POM121: variants seen among roughly 807,000 people sequenced by gnomAD.
The protein encoded by POM121 is POM121 transmembrane nucleoporin.
Under a neutral mutation model 81.3 loss-of-function variants are expected in POM121, and 32 were observed. The ratio of observed to expected loss-of-function variants is 0.39; its 90% confidence interval spans 0.30 to 0.53. POM121 has a LOEUF of 0.53. POM121 is among the 20% of genes least tolerant of loss of function. The pLI is 0.66. For synonymous variants in POM121, 514 were observed against 694.2 expected (o/e 0.74, Z 4.08); for missense variants, 1,138 against 1,614.6 (o/e 0.70, Z 5.06).
chr7:72,949,383 C>T (rs370613875), downstream of POM121: 36 of 974,096 alleles, frequency 3.7e-5, no homozygotes, highest in African/African-American at 9.6e-5. Context: ...AGGGGGAGAC[C>T]GCCAGGAAGT....
At position 72,935,844 on chromosome 7, in the gene POM121, G is replaced by C. The variant is rs1459546644; in HGVS notation, c.1276-2746G>C. Among the ~76,000 whole-genome samples, 32 of 152,330 alleles carry C rather than the reference G, an allele frequency of 2.1e-4. 1 individual carries two copies. The highest frequency in any genetic ancestry group is 7.5e-4 in the African/African-American group (31 of 41,576). On this transcript the variant is annotated intron_variant, in intron 5 of 12. Coordinates refer to ENST00000434423, the MANE Select transcript of POM121 (RefSeq NM_001387691.1). ...CTATTCTAAATAGTGCCTTCAAAATGTGATTGGCTGTGCTGGTGTGTAGAA... is the reference window on the plus strand; with the variant it reads ...CTATTCTAAATAGTGCCTTCAAAATCTGATTGGCTGTGCTGGTGTGTAGAA...
chr7:72,944,891 G>T (rs1440443805), intron 11 of POM121, among the ~76,000 whole-genome samples: 1 of 152,308 alleles, frequency 6.6e-6, no homozygotes, highest in East Asian at 1.9e-4. Flanking sequence ...TGGGAAGGAA[G>T]CCAGTGAGCC....
intron 4 of POM121, among the ~76,000 whole-genome samples, chr7:72,918,661 C>T (rs552599638): frequency 2.0e-5 from 3 of 152,056 alleles, no homozygotes; most frequent in Admixed American, 6.6e-5. Flanking sequence ...TCTCTTGCCT[C>T]GGCACCTGGA....
chr7:72,943,295 G>C lies in POM121; in HGVS notation c.3302G>C (p.Gly1101Ala). 1 of 1,608,870 alleles carries C rather than the reference G, an allele frequency of 6.2e-7. No individual in the cohort carries two copies. Among genetic ancestry groups the C allele is most frequent in the South Asian group, 1.1e-5 (1 of 90,462 alleles). The change falls in exon 11 of 13, where the codon GGT becomes GCT. Residue 1101 changes from glycine to alanine, a missense_variant. By Grantham distance (60) the Gly-to-Ala change is moderately conservative. Transcript: ENST00000434423. The stretch of plus-strand genomic sequence containing the variant: ...ACACCATCACCCTTCACGTTTGGGG[G>C]TTCGGCAGCCCCCGCTGGCAGTGGG... ...STTPSPFTFG[G>A]SAAPAGSGSF... is the part of the protein sequence containing the mutation.
At chr7:72,890,331 T>C (rs1791180338) in intron 1 of POM121, among the ~76,000 whole-genome samples, 1 of 152,198 alleles carries the variant, frequency 6.6e-6, no homozygotes, top group Non-Finnish European at 1.5e-5. Context: ...TACATGTTTA[T>C]CTCCTTATTA....
chr7:72,935,931 C>T (rs1554499381), intron 5 of POM121, among the ~76,000 whole-genome samples: 1 of 152,076 alleles, frequency 6.6e-6, no homozygotes, highest in Admixed American at 6.5e-5. Flanking sequence ...GATTTTAGTA[C>T]ATACACTCAG....
chr7:72,908,819 G>C (rs1197134285), intron 3 of POM121, among the ~76,000 whole-genome samples: 1 of 152,112 alleles, frequency 6.6e-6, no homozygotes, highest in Non-Finnish European at 1.5e-5. Context: ...CAGACCTAAT[G>C]GTTATCTCCC....
chr7:72,883,896 T>G (rs1469770843), intron 1 of POM121, among the ~76,000 whole-genome samples: 16 of 152,224 alleles, frequency 1.1e-4, no homozygotes, highest in Non-Finnish European at 8.8e-5. Context: ...CATTTCTTCT[T>G]TATTTACTAG....
At chr7:72,879,550 T>A (rs1554488916) in exon 1 of POM121, 1 of 262,744 alleles carries the variant, frequency 3.8e-6, no homozygotes, top group African/African-American at 2.4e-5. Flanking sequence ...CCCCCGAGCG[T>A]GAACCCCGGA....
chr7:72,932,665 C>T (rs546334692), intron 5 of POM121, among the ~76,000 whole-genome samples: 1 of 152,292 alleles, frequency 6.6e-6, no homozygotes, highest in African/African-American at 2.4e-5. Context: ...TCAGCATTCC[C>T]CTCAGCGTTG....
Position 72,948,123 on chromosome 7 carries a change from T to C in POM121, c.*1889T>C, listed in dbSNP as rs1327540474. 5.7e-6 allele frequency: 8 copies of C among 1,398,274 alleles called. No homozygotes were observed. Among genetic ancestry groups the C allele is most frequent in the African/African-American group, 1.5e-5 (1 of 68,344 alleles). 86.6% of individuals were successfully genotyped at this position (1,398,274 alleles called of 1,614,324 possible). On this transcript the variant is annotated 3_prime_UTR_variant, in exon 13 of 13. Coordinates refer to ENST00000434423, the MANE Select transcript of POM121 (RefSeq NM_001387691.1). The stretch of plus-strand genomic sequence containing the variant: ...GGCAGGACAGCCGGTCCGGGAACCC[T>C]GAGTGAGAATGAGTGTGGATGTGTA...
At position 72,943,080 on chromosome 7, in the gene POM121, C is replaced by G; in HGVS notation, c.3087C>G (p.Ile1029Met). 1.2e-6 allele frequency: 2 copies of G among 1,613,832 alleles called. No homozygotes were observed. Among genetic ancestry groups the G allele is most frequent in the South Asian group, 1.1e-5 (1 of 91,078 alleles). The change falls in exon 11 of 13, where the codon ATC becomes ATG. Residue 1029 changes from isoleucine (I) to methionine (M), a missense_variant. Transcript: ENST00000434423. ...PAYVPTPIHPIFGGATHSAFG... is the reference protein window; with the variant it reads ...PAYVPTPIHPMFGGATHSAFG... ...ACGTGCCTACGCCCATCCATCCTAT[C>G]TTTGGCGGTGCCACGCACTCGGCGT...
At chr7:72,893,263 T>G (rs1791486183) in intron 3 of POM121, among the ~76,000 whole-genome samples, 1 of 151,706 alleles carries the variant, frequency 6.6e-6, no homozygotes, top group Non-Finnish European at 1.5e-5. Flanking sequence ...CCAGCCCCCT[T>G]CATTTAATTT....
chr7:72,948,714 T>A, downstream of POM121: 1 of 1,568,910 alleles, frequency 6.4e-7, no homozygotes, highest in South Asian at 1.1e-5. Context: ...AAGCCACCGC[T>A]AAGCGTGGTC....
chr7:72,949,011 C>T (rs2129581508), downstream of POM121: 1 of 1,611,698 alleles, frequency 6.2e-7, no homozygotes, highest in Non-Finnish European at 8.5e-7. Context: ...GCGCGTGGCA[C>T]AGGGCTCGCT....
intron 1 of POM121, among the ~76,000 whole-genome samples, chr7:72,882,275 G>A (rs542712406): frequency 1.3e-5 from 2 of 152,304 alleles, no homozygotes; most frequent in East Asian, 1.9e-4. Context: ...AAGGTGAAGG[G>A]AAAGTGGGTG....
intron 3 of POM121, among the ~76,000 whole-genome samples, chr7:72,894,642 AGAG>A (rs1791713219): frequency 2.8e-5 from 3 of 105,930 alleles, no homozygotes; most frequent in Non-Finnish European, 3.6e-5. Context: ...AGAGAGAGAG[AGAG>A]AGAGAGAGAG....
In POM121 at chr7:72,936,231, T is replaced by C. The variant is rs1167011224; in HGVS notation, c.1276-2359T>C. On this transcript the variant is annotated intron_variant, in intron 5 of 12. Coordinates refer to ENST00000434423, the MANE Select transcript of POM121 (RefSeq NM_001387691.1). The stretch of plus-strand genomic sequence containing the variant: ...TGGTAGAGATGAGACTTCACTATGT[T>C]ACCTAGGCTGGTCTCAAAACTCTTG... Among the ~76,000 whole-genome samples, 3 of 152,278 alleles carry C rather than the reference T, an allele frequency of 2.0e-5. No homozygotes were observed. The East Asian group carries it at 5.8e-4, about 29-fold the overall frequency.
chr7:72,946,113 T>C (rs1554503160), intron 12 of POM121, 24 bp from the exon 13 acceptor site: 2 of 1,610,896 alleles, frequency 1.2e-6, no homozygotes, highest in Non-Finnish European at 1.7e-6. Context: ...GCTGCCCTGA[T>C]GAGGTCTTGT....
Sources: gnomAD v4.1 joint callset for allele counts (sites outside exome capture counted in the v4.1 genomes callset) on GRCh38, gnomAD v4.1.1 for gene constraint, MANE v1.5 for transcripts, NCBI Gene and HGNC (gene_info 2026-07-23, HGNC 2026-07-21) for gene names.